IDE: variants seen among roughly 807,000 people sequenced by gnomAD.
IDE encodes the protein insulin degrading enzyme.
In IDE, 58 loss-of-function variants were observed where a neutral mutation model predicts 133.2. The observed-to-expected ratio is 0.44, with a 90% CI of 0.35 to 0.54. The LOEUF (loss-of-function observed/expected upper bound fraction) is 0.54, where lower values mean the gene tolerates loss of function less well. Ranked by LOEUF, IDE falls within the 20% of genes least tolerant of loss-of-function variation. The pLI, the probability that IDE is intolerant of heterozygous loss-of-function variation, is 0.00. For missense variants in IDE, 981 were observed against 1,234.0 expected (o/e 0.79, Z 3.07); for synonymous variants, 396 against 421.3 (o/e 0.94, Z 0.73).
intron 8 of IDE, 45 bp from the exon 9 acceptor site, chr10:92,507,711 C>A: frequency 9.4e-7 from 1 of 1,060,118 alleles, no homozygotes; most frequent in Non-Finnish European, 1.5e-6. Context: ...TCCTTGAATC[C>A]TTCAAAGCAG....
chr10:92,516,229 C>G (rs1052653886), intron 4 of IDE, among the ~76,000 whole-genome samples: 3 of 151,828 alleles, frequency 2.0e-5, no homozygotes, highest in Non-Finnish European at 2.9e-5. Flanking sequence ...CTCAGTGGCT[C>G]ACATCTGTAA....
intron 11 of IDE, among the ~76,000 whole-genome samples, chr10:92,503,310 A>G (rs139863182): frequency 6.6e-6 from 1 of 152,230 alleles, no homozygotes; most frequent in East Asian, 1.9e-4. Context: ...ACTCATCCAA[A>G]CACTGTATCA....
intron 14 of IDE, chr10:92,480,765 G>GT (rs1456266902): frequency 6.4e-6 from 1 of 156,170 alleles, no homozygotes; most frequent in East Asian, 1.9e-4. Context: ...TCAACATTTT[G>GT]TTTTTTAAAG....
chr10:92,512,107 TCA>T (rs1848662123), intron 5 of IDE, among the ~76,000 whole-genome samples: 1 of 152,156 alleles, frequency 6.6e-6, no homozygotes, highest in South Asian at 2.1e-4. Flanking sequence ...TTTGGCAACC[TCA>T]GTGTCTGTAC....
intron 1 of IDE, chr10:92,541,265 T>C: frequency 4.3e-6 from 2 of 467,476 alleles, no homozygotes; most frequent in South Asian, 1.6e-5. Flanking sequence ...ATAGCATATC[T>C]ATAAACACTT....
chr10:92,494,719 C>T (rs1031838915), intron 11 of IDE, among the ~76,000 whole-genome samples: 9 of 152,154 alleles, frequency 5.9e-5, no homozygotes, highest in African/African-American at 1.2e-4. Context: ...ATGTTTGGAG[C>T]GAATGCAGCT....
At chr10:92,472,455 T>TA (rs935175652) in intron 17 of IDE, among the ~76,000 whole-genome samples, 41 of 152,284 alleles carry the variant, frequency 2.7e-4, no homozygotes, top group African/African-American at 5.8e-4. Context: ...ACTGTCCTGA[T>TA]AAAAAAATGT....
At chr10:92,484,651 T>C (rs1846857179) in intron 13 of IDE, among the ~76,000 whole-genome samples, 1 of 148,872 alleles carries the variant, frequency 6.7e-6, no homozygotes. Flanking sequence ...GAGAATAGCT[T>C]GAACCTGGGA....
rs776997894 is a variant in IDE, at chr10:92,483,328, T to C, written c.1666A>G (p.Met556Val). The change falls in exon 14 of 25, where the codon ATG becomes GTG. Residue 556 changes from methionine to valine, a missense_variant. Physicochemically the swap from Met to Val is conservative, Grantham distance 21. Around this residue, in one of 2 missense-constraint regions of IDE, gnomAD observed 660 missense variants for 894.7 expected, o/e 0.74. Transcript: ENST00000265986. ...TCTTGTTTGAACCAAAGTTTGCTCA[T>C]AGCTGTATCCTGTGATGGAGAAACA... Reference protein sequence around the residue: ...PYPALIKDTAMSKLWFKQDDK... With the variant: ...PYPALIKDTAVSKLWFKQDDK... 3.7e-6 allele frequency: 6 copies of C among 1,601,578 alleles called. No individual in the cohort carries two copies. The highest frequency in any genetic ancestry group is 4.3e-6 in the Non-Finnish European group (5 of 1,168,688).
intron 23 of IDE, among the ~76,000 whole-genome samples, 178 bp downstream of exon 23, chr10:92,456,181 A>G (rs1844997272): frequency 6.6e-6 from 1 of 152,082 alleles, no homozygotes; most frequent in African/African-American, 2.4e-5. Flanking sequence ...ATCACCTGGT[A>G]TTGCCTCTCT....
intron 4 of IDE, among the ~76,000 whole-genome samples, chr10:92,523,384 GAAAGA>G (rs1169879727): frequency 6.6e-6 from 1 of 151,588 alleles, no homozygotes; most frequent in Non-Finnish European, 1.5e-5. Flanking sequence ...CTGTCTCAAA[GAAAGA>G]AAAGAAAAGA....
At chr10:92,464,079 C>G (rs1184722123) in intron 20 of IDE, 76 bp from the exon 21 acceptor site, 46 of 1,409,894 alleles carry the variant, frequency 3.3e-5, no homozygotes, top group Non-Finnish European at 2.4e-5. Flanking sequence ...AAAAACTAAC[C>G]TGTCTGAGCA....
intron 14 of IDE, among the ~76,000 whole-genome samples, chr10:92,481,334 C>G (rs1846595947): frequency 6.6e-6 from 1 of 152,088 alleles, no homozygotes; most frequent in Admixed American, 6.6e-5. Flanking sequence ...CCCAGCTACT[C>G]AGGAGGCTGA....
rs1413384576 is a variant in IDE, at chr10:92,483,263, T to C, written c.1731A>G (p.Glu577=). Reference sequence around the variant, plus strand: ...AGATTCATCTTACATACCTGAAAAATTCAAAGTTGAGACAAGCCTTCGGCA... The same window carrying C: ...AGATTCATCTTACATACCTGAAAAACTCAAAGTTGAGACAAGCCTTCGGCA... ...FFLPKACLNF[E]FFSPFAYVDP... Residue 577 remains glutamate (E), a synonymous_variant, in exon 14 of 25, where the codon GAA becomes GAG. Transcript: ENST00000265986. The C allele has an allele frequency of 6.3e-7, 1 of 1,580,634 alleles. No individual in the cohort carries two copies. Among genetic ancestry groups the C allele is most frequent in the Non-Finnish European group, 8.7e-7 (1 of 1,149,640 alleles).
At chr10:92,508,923 T>A (rs548479389) in intron 6 of IDE, 33 bp from the exon 7 acceptor site, 1 of 1,501,958 alleles carries the variant, frequency 6.7e-7, no homozygotes, top group Non-Finnish European at 9.2e-7. Context: ...ATTAGCTATA[T>A]ACGACTCCTA....
intron 1 of IDE, chr10:92,572,849 A>G: frequency 1.5e-4 from 121 of 826,520 alleles, no homozygotes; most frequent in South Asian, 1.7e-4. Context: ...AAGCCAGCCT[A>G]CCCCCCCATC....
intron 1 of IDE, among the ~76,000 whole-genome samples, chr10:92,557,469 G>A (rs1001404484): frequency 1.3e-5 from 2 of 152,018 alleles, no homozygotes; most frequent in African/African-American, 4.8e-5. Flanking sequence ...CTGAGAGGCG[G>A]AGCTTGCAGT....
intron 23 of IDE, among the ~76,000 whole-genome samples, chr10:92,456,086 G>A (rs1292181889): frequency 1.3e-5 from 2 of 152,190 alleles, no homozygotes; most frequent in Non-Finnish European, 2.9e-5. Context: ...CTCCCCACAT[G>A]CAGTGGTTCA....
chr10:92,496,623 T>C (rs1387475260), intron 11 of IDE, among the ~76,000 whole-genome samples: 1 of 151,940 alleles, frequency 6.6e-6, no homozygotes, highest in East Asian at 1.9e-4. Context: ...CTATCTCTAC[T>C]AAAAATACAA....
Sources: gnomAD v4.1 joint callset for allele counts (sites outside exome capture counted in the v4.1 genomes callset) on GRCh38, gnomAD v4.1.1 for gene constraint, gnomAD v4.1.1 regional missense constraint, MANE v1.5 for transcripts, NCBI Gene and HGNC (gene_info 2026-07-23, HGNC 2026-07-21) for gene names.